The following OPCML variants were observed in gnomAD, a reference collection of about 807,000 sequenced individuals.
OPCML encodes the protein opioid binding protein/cell adhesion molecule like.
OPCML carries 13 observed loss-of-function variants against 37.8 expected under a neutral mutation model. The observed-to-expected ratio is 0.34, with a 90% CI of 0.22 to 0.55. The LOEUF is 0.55. Among genes scored for constraint, OPCML ranks in the 20% least tolerant of loss-of-function variants. The pLI, the probability that OPCML is intolerant of heterozygous loss-of-function variation, is 0.91. For synonymous variants in OPCML, 176 were observed against 168.8 expected (o/e 1.04, Z -0.33); for missense variants, 341 against 435.6 (o/e 0.78, Z 1.93).
intron 2 of OPCML, among the ~76,000 whole-genome samples, chr11:132,896,025 C>A (rs1453952636): frequency 1.3e-5 from 2 of 152,020 alleles, no homozygotes; most frequent in Non-Finnish European, 2.9e-5. Flanking sequence ...TGGATCAGGC[C>A]AAATTTACTT....
At chr11:132,832,323 C>G (rs778243808) in intron 2 of OPCML, among the ~76,000 whole-genome samples, 13 of 148,760 alleles carry the variant, frequency 8.7e-5, no homozygotes, top group Non-Finnish European at 1.8e-4. Context: ...GTTAAACCAA[C>G]ATTCTTTAAA....
intron 3 of OPCML, among the ~76,000 whole-genome samples, chr11:132,636,775 A>C (rs1010944801): frequency 1.3e-5 from 2 of 152,206 alleles, no homozygotes; most frequent in African/African-American, 4.8e-5. Context: ...ATGCTAAAGA[A>C]GACACTGGGA....
intron 1 of OPCML, among the ~76,000 whole-genome samples, chr11:133,087,613 C>G (rs1047049128): frequency 3.9e-5 from 6 of 152,166 alleles, no homozygotes; most frequent in African/African-American, 9.7e-5. Context: ...AATTTTCTGT[C>G]GCAACCCGAG....
At chr11:132,768,189 G>A (rs542745236) in intron 2 of OPCML, among the ~76,000 whole-genome samples, 22 of 152,228 alleles carry the variant, frequency 1.4e-4, no homozygotes, top group Admixed American at 5.2e-4. Flanking sequence ...TATTGGAGAC[G>A]CGTAAAGGGC....
chr11:133,368,739 C>A (rs1944608706), intron 1 of OPCML, among the ~76,000 whole-genome samples: 1 of 152,164 alleles, frequency 6.6e-6, no homozygotes. Context: ...AGCTGATATT[C>A]ATTAAGGAAA....
chr11:133,490,180 G>A (rs986299466), intron 1 of OPCML, among the ~76,000 whole-genome samples: 5 of 152,142 alleles, frequency 3.3e-5, no homozygotes, highest in Admixed American at 6.5e-5. Context: ...TGCCCAGGAC[G>A]CATGCAAGAG....
At position 133,430,970 on chromosome 11, in the gene OPCML, T is replaced by C. The variant is rs1591491178; in HGVS notation, c.61+101294A>G. ...TTGGCTTTATTAGTAACTTTAGAAG[T>C]TCATGGGTTTCGAACGTTAGTTTCA... On this transcript the variant is annotated intron_variant, in intron 1 of 7. Transcript: ENST00000524381. Among the ~76,000 whole-genome samples, 3 of 152,274 alleles carry C rather than the reference T, an allele frequency of 2.0e-5. No individual in the cohort carries two copies. The East Asian group carries it at 5.8e-4, about 30-fold the overall frequency.
At chr11:132,710,212 T>C (rs75558451) in intron 2 of OPCML, among the ~76,000 whole-genome samples, 5,043 of 152,170 alleles carry the variant, frequency 0.033, 149 homozygotes, top group African/African-American at 0.076. Context: ...CTGACGTAAA[T>C]CAAAGGGTGA....
intron 7 of OPCML, chr11:132,420,520 A>G (rs1447172663): frequency 2.4e-6 from 1 of 419,598 alleles, no homozygotes; most frequent in Non-Finnish European, 3.2e-6. Context: ...ATGCTTAAAA[A>G]GTAAATAGGT....
intron 2 of OPCML, among the ~76,000 whole-genome samples, chr11:132,781,522 C>G (rs1265393672): frequency 6.6e-6 from 1 of 151,846 alleles, no homozygotes; most frequent in African/African-American, 2.4e-5. Flanking sequence ...TTCTCAGCCT[C>G]CATGACTGTG....
At chr11:132,727,980 C>T (rs1196226404) in intron 2 of OPCML, among the ~76,000 whole-genome samples, 2 of 152,168 alleles carry the variant, frequency 1.3e-5, no homozygotes, top group African/African-American at 2.4e-5. Flanking sequence ...TGGGGTTTGT[C>T]CTTCAGAAGT....
intron 3 of OPCML, among the ~76,000 whole-genome samples, chr11:132,591,652 A>G (rs1433666219): frequency 1.3e-5 from 2 of 152,222 alleles, no homozygotes; most frequent in East Asian, 3.9e-4. Context: ...CCTCATCTTT[A>G]AAATGGTAAC....
intron 1 of OPCML, among the ~76,000 whole-genome samples, chr11:133,356,325 C>T (rs536623060): frequency 5.3e-5 from 8 of 152,336 alleles, no homozygotes; most frequent in Non-Finnish European, 8.8e-5. Context: ...AGTTTATGCT[C>T]TGAGCTGCTG....
intron 2 of OPCML, among the ~76,000 whole-genome samples, chr11:132,899,390 A>G (rs1293855834): frequency 6.6e-6 from 1 of 152,050 alleles, no homozygotes; most frequent in Non-Finnish European, 1.5e-5. Flanking sequence ...TTTTGACTTT[A>G]TATCAGTATA....
chr11:132,803,345 T>C (rs574902804), intron 2 of OPCML, among the ~76,000 whole-genome samples: 38 of 152,318 alleles, frequency 2.5e-4, no homozygotes, highest in Admixed American at 2.0e-3. Flanking sequence ...ACCCAAAGCT[T>C]TCAATTTTAA....
chr11:132,597,401 G>A (rs151203012), intron 3 of OPCML, among the ~76,000 whole-genome samples: 1 of 152,124 alleles, frequency 6.6e-6, no homozygotes, highest in African/African-American at 2.4e-5. Flanking sequence ...CATATGGCTG[G>A]CATATATCTG....
intron 3 of OPCML, among the ~76,000 whole-genome samples, chr11:132,622,281 C>T (rs1463223598): frequency 6.6e-6 from 1 of 152,012 alleles, no homozygotes; most frequent in Non-Finnish European, 1.5e-5. Context: ...AGGGGAAAGG[C>T]ATCCTAAAAA....
chr11:132,632,178 T>G (rs1168947270), intron 3 of OPCML, among the ~76,000 whole-genome samples: 3 of 147,774 alleles, frequency 2.0e-5, no homozygotes, highest in Admixed American at 1.4e-4. Context: ...TTGTGCCACA[T>G]GGAGATTTGG....
intron 2 of OPCML, among the ~76,000 whole-genome samples, chr11:132,826,665 A>G (rs527545546): frequency 1.3e-5 from 2 of 152,338 alleles, no homozygotes; most frequent in African/African-American, 4.8e-5. Flanking sequence ...TGATTAAAAG[A>G]TAATTCTCTT....
Sources: allele counts gnomAD v4.1 joint callset (sites outside exome capture counted in the v4.1 genomes callset), GRCh38; gene constraint gnomAD v4.1.1; transcripts MANE v1.5; gene names NCBI Gene and HGNC (gene_info 2026-07-23, HGNC 2026-07-21).